Variants in TDRD3 observed in about 807,000 individuals in gnomAD.
TDRD3 encodes tudor domain containing 3, also known as tudor domain-containing protein 3.
In TDRD3, 45 loss-of-function variants were observed where a neutral mutation model predicts 86.7. The observed-to-expected ratio is 0.52, with a 90% CI of 0.41 to 0.67. TDRD3 has a LOEUF of 0.67. Among genes scored for constraint, TDRD3 ranks in the 30% least tolerant of loss-of-function variants. The pLI is 0.00. For synonymous variants in TDRD3, 298 were observed against 301.7 expected (o/e 0.99, Z 0.13); for missense variants, 814 against 889.0 (o/e 0.92, Z 1.07).
intron 12 of TDRD3, chr13:60,547,486 CT>C (rs894055642): frequency 2.3e-6 from 2 of 873,924 alleles, no homozygotes; most frequent in African/African-American, 3.6e-5. Context: ...ACCTATGTGA[CT>C]TTGGGTAAGT....
Position 60,528,884 on chromosome 13 carries a change from A to C in TDRD3, c.1659A>C (p.Thr553=), listed in dbSNP as rs1167174983. The change falls in exon 11 of 14, where the codon ACA becomes ACC. Residue 553 remains threonine, a synonymous_variant. Transcript: ENST00000377881. ...PDYFYDRKSQ[T]INNEAFSGIK... ...ATTTTTATGACAGGAAATCACAAACAATAAATAATGAAGCTTTCAGTGGTA... is the reference window on the plus strand; with the variant it reads ...ATTTTTATGACAGGAAATCACAAACCATAAATAATGAAGCTTTCAGTGGTA... The C allele has an allele frequency of 6.2e-7, 1 of 1,612,408 alleles. No homozygotes were observed. Among genetic ancestry groups the C allele is most frequent in the Non-Finnish European group, 8.5e-7 (1 of 1,179,614 alleles).
intron 1 of TDRD3, among the ~76,000 whole-genome samples, chr13:60,412,788 A>G (rs186325733): frequency 3.5e-4 from 53 of 152,230 alleles, no homozygotes; most frequent in African/African-American, 1.2e-3. Context: ...GTCTTTTAAA[A>G]TGGTTTACCT....
chr13:60,467,639 T>G (rs1190467362), intron 5 of TDRD3, among the ~76,000 whole-genome samples: 1 of 152,228 alleles, frequency 6.6e-6, no homozygotes, highest in East Asian at 1.9e-4. Context: ...AGATACCAGT[T>G]ATAAGCTATG....
At chr13:60,434,916 A>G (rs899083416) in intron 1 of TDRD3, among the ~76,000 whole-genome samples, 13 of 152,182 alleles carry the variant, frequency 8.5e-5, no homozygotes, top group South Asian at 2.1e-4. Context: ...GATTACCTCA[A>G]TTAAGACTGG....
intron 8 of TDRD3, chr13:60,509,520 T>C: frequency 2.3e-6 from 1 of 434,822 alleles, no homozygotes; most frequent in Non-Finnish European, 4.2e-6. Context: ...TAAAATTTAT[T>C]TTTTGTGTGT....
intron 11 of TDRD3, among the ~76,000 whole-genome samples, chr13:60,533,603 T>G (rs1404120162): frequency 2.0e-5 from 3 of 152,042 alleles, no homozygotes; most frequent in African/African-American, 7.3e-5. Context: ...ATTGCACCAC[T>G]GCACTCCAGC....
chr13:60,420,847 G>A (rs1278578175), intron 1 of TDRD3, among the ~76,000 whole-genome samples: 1 of 152,170 alleles, frequency 6.6e-6, no homozygotes, highest in African/African-American at 2.4e-5. Flanking sequence ...GGGAGGCTGA[G>A]GCAGGAAAAT....
chr13:60,496,563 C>T (rs1241331522), intron 8 of TDRD3, among the ~76,000 whole-genome samples: 1 of 151,566 alleles, frequency 6.6e-6, no homozygotes, highest in African/African-American at 2.4e-5. Flanking sequence ...GAGAGTTATG[C>T]AAAATAAATG....
intron 3 of TDRD3, among the ~76,000 whole-genome samples, chr13:60,447,316 C>T (rs1399835195): frequency 2.6e-5 from 4 of 152,092 alleles, no homozygotes; most frequent in Non-Finnish European, 5.9e-5. Context: ...AGGGTCATTG[C>T]CCTGGATTTA....
At chr13:60,504,123 G>A (rs900588186) in intron 8 of TDRD3, among the ~76,000 whole-genome samples, 1 of 151,976 alleles carries the variant, frequency 6.6e-6, no homozygotes, top group Admixed American at 6.6e-5. Flanking sequence ...TTTATAATTT[G>A]CTTAATTACC....
intron 1 of TDRD3, among the ~76,000 whole-genome samples, chr13:60,424,417 C>T (rs1415038317): frequency 6.6e-6 from 1 of 152,038 alleles, no homozygotes; most frequent in Admixed American, 6.5e-5. Context: ...GTGGCTCACG[C>T]GTGTAATCCC....
At chr13:60,512,768 C>A (rs948941031) in intron 10 of TDRD3, among the ~76,000 whole-genome samples, 2 of 152,212 alleles carry the variant, frequency 1.3e-5, no homozygotes, top group African/African-American at 2.4e-5. Context: ...TGGTCTTGGG[C>A]AGCTCTGCCT....
chr13:60,402,721 G>C (rs199882415), intron 1 of TDRD3, among the ~76,000 whole-genome samples: 1 of 136,766 alleles, frequency 7.3e-6, no homozygotes, highest in East Asian at 2.0e-4. Context: ...TTTTGAGACG[G>C]AGTTTCACTC....
intron 7 of TDRD3, among the ~76,000 whole-genome samples, chr13:60,491,811 A>G (rs1351643469): frequency 6.7e-6 from 1 of 148,858 alleles, no homozygotes; most frequent in East Asian, 1.9e-4. Flanking sequence ...TTTTTTTTTT[A>G]ATAAGGAAGT....
At chr13:60,397,530 C>CCCGGGCCCTTCGGGCCGGCT in intron 1 of TDRD3, 125 bp downstream of exon 1, 2 of 735,320 alleles carry the variant, frequency 2.7e-6, no homozygotes, top group Non-Finnish European at 3.7e-6. Flanking sequence ...CCGGCCTCTC[C>CCCGGGCCCTTCGGGCCGGCT]CCGGGCCCTT....
intron 1 of TDRD3, among the ~76,000 whole-genome samples, chr13:60,427,180 G>A (rs1954833547): frequency 6.6e-6 from 1 of 152,130 alleles, no homozygotes; most frequent in South Asian, 2.1e-4. Context: ...GCAAATAGCT[G>A]TAATATCCAC....
At chr13:60,507,567 A>T (rs746785521) in intron 8 of TDRD3, among the ~76,000 whole-genome samples, 1 of 152,256 alleles carries the variant, frequency 6.6e-6, no homozygotes, top group East Asian at 1.9e-4. Flanking sequence ...TGGAAACTGA[A>T]CAACCTTCTC....
At chr13:60,553,834 T>C (rs968191774) in intron 12 of TDRD3, among the ~76,000 whole-genome samples, 6 of 152,144 alleles carry the variant, frequency 3.9e-5, no homozygotes, top group Non-Finnish European at 8.8e-5. Context: ...AAGATTTTGG[T>C]GGGGACACAG....
chr13:60,554,011 T>C (rs1207816924), intron 12 of TDRD3, among the ~76,000 whole-genome samples: 1 of 152,236 alleles, frequency 6.6e-6, no homozygotes, highest in Non-Finnish European at 1.5e-5. Context: ...TGCAAAGTTA[T>C]AAAGATTTCA....
Sources: gnomAD v4.1 joint callset for allele counts (sites outside exome capture counted in the v4.1 genomes callset) on GRCh38, gnomAD v4.1.1 for gene constraint, MANE v1.5 for transcripts, NCBI Gene and HGNC (gene_info 2026-07-23, HGNC 2026-07-21) for gene names.